Variants in DYNLT5 observed in about 807,000 individuals in gnomAD.
The protein encoded by DYNLT5 is dynein light chain Tctex-type 5.
In DYNLT5, 25 loss-of-function variants were observed where a neutral mutation model predicts 19.3. That is an observed-to-expected ratio of 1.30 (90% confidence interval 0.95 to 1.81). The LOEUF (loss-of-function observed/expected upper bound fraction) is 1.81, where lower values mean the gene tolerates loss of function less well. Ranked by LOEUF, DYNLT5 falls within the 40% of genes most tolerant of loss-of-function variation. The pLI, the probability that DYNLT5 is intolerant of heterozygous loss-of-function variation, is 0.00. For missense variants in DYNLT5, 232 were observed against 217.9 expected (o/e 1.06, Z -0.41); for synonymous variants, 82 against 68.9 (o/e 1.19, Z -0.94).
In DYNLT5 at chr1:66,776,407, C is replaced by T. The variant is rs866372034; in HGVS notation, c.336+4C>T. ...GATGACTAAAACCATTTCTGAGGTACGTGTGTGATTTGCCCAAAGTGTTAA... is the reference window on the plus strand; with the variant it reads ...GATGACTAAAACCATTTCTGAGGTATGTGTGTGATTTGCCCAAAGTGTTAA... On this transcript the variant is annotated splice_donor_region_variant and intron_variant, in intron 4 of 4. Coordinates refer to ENST00000282670, the MANE Select transcript of DYNLT5 (RefSeq NM_152665.3). 1.0e-5 allele frequency: 16 copies of T among 1,593,798 alleles called. No homozygotes were observed. Among genetic ancestry groups the T allele is most frequent in the Middle Eastern group, 3.3e-4 (2 of 6,004 alleles).
intron 3 of DYNLT5, chr1:66,775,049 A>G (rs1645226553): frequency 6.6e-6 from 1 of 152,248 alleles, no homozygotes; most frequent in Non-Finnish European, 1.5e-5. Context: ...GGCCCTGGGC[A>G]CATGTTCATG....
At position 66,777,782 on chromosome 1, in the gene DYNLT5, T is replaced by C. The variant is rs1645245709; in HGVS notation, c.*328T>C. On this transcript the variant is annotated 3_prime_UTR_variant, in exon 5 of 5. Transcript: ENST00000282670. ...AGTGTTACAATTTCCTGCATTGTTT[T>C]TTAATAAAAAGAAGCTTTAGAAAAA... is the stretch of plus-strand genomic sequence containing the variant. 1 of 188,656 alleles carries C rather than the reference T, an allele frequency of 5.3e-6. No individual in the cohort carries two copies. The highest frequency in any genetic ancestry group is 5.4e-5 in the Admixed American group (1 of 18,596). The allele number at this position is 188,656 out of a possible 1,614,324, so 11.7% of individuals were successfully genotyped here.
intron 2 of DYNLT5, among the ~76,000 whole-genome samples, chr1:66,757,412 T>C (rs1484382659): frequency 6.6e-6 from 1 of 152,226 alleles, no homozygotes; most frequent in East Asian, 1.9e-4. Context: ...TAAGTTATCT[T>C]TTCAATTTAA....
chr1:66,767,276 A>T (rs181578941), intron 2 of DYNLT5, among the ~76,000 whole-genome samples: 10 of 152,030 alleles, frequency 6.6e-5, no homozygotes, highest in African/African-American at 2.4e-4. Flanking sequence ...GTTTTTTGAG[A>T]CAGAGTCTTG....
At chr1:66,774,797 A>G (rs960241466) in intron 3 of DYNLT5, among the ~76,000 whole-genome samples, 2 of 152,034 alleles carry the variant, frequency 1.3e-5, no homozygotes, top group African/African-American at 4.8e-5. Context: ...CCTTACTTTC[A>G]CTGGCTGAGG....
chr1:66,760,700 C>A (rs773541361), intron 2 of DYNLT5, among the ~76,000 whole-genome samples: 3 of 152,198 alleles, frequency 2.0e-5, no homozygotes, highest in South Asian at 2.1e-4. Flanking sequence ...TAGAGGTATT[C>A]ATGGCACCTG....
At chr1:66,760,436 C>T (rs142944839) in intron 2 of DYNLT5, among the ~76,000 whole-genome samples, 163 of 152,244 alleles carry the variant, frequency 1.1e-3, no homozygotes, top group African/African-American at 3.2e-3. Context: ...CTTTTGCTCA[C>T]GAACAAGTTA....
intron 2 of DYNLT5, 42 bp downstream of exon 2, chr1:66,754,819 A>T: frequency 2.5e-6 from 4 of 1,583,054 alleles, no homozygotes; most frequent in Non-Finnish European, 3.4e-6. Flanking sequence ...TATTGAATAA[A>T]TAGGTTCGTA....
chr1:66,763,719 C>A (rs1315436254), intron 2 of DYNLT5, among the ~76,000 whole-genome samples: 5 of 152,198 alleles, frequency 3.3e-5, no homozygotes. Flanking sequence ...TCTTAGCCTT[C>A]ATGGAAGTGA....
intron 2 of DYNLT5, among the ~76,000 whole-genome samples, chr1:66,767,075 C>A (rs2150864714): frequency 6.6e-6 from 1 of 152,018 alleles, no homozygotes; most frequent in East Asian, 1.9e-4. Context: ...ATCTGTACAA[C>A]AAACTCCCGT....
In DYNLT5 at chr1:66,778,144, T is replaced by C. The variant is rs770136716; in HGVS notation, c.*690T>C. 1 of 152,648 alleles carries C rather than the reference T, an allele frequency of 6.6e-6. No homozygotes were observed. Among genetic ancestry groups the C allele is most frequent in the Middle Eastern group, 3.2e-3 (1 of 316 alleles). The allele number at this position is 152,648 out of a possible 1,614,324, so 9.5% of individuals were successfully genotyped here. A position where few individuals can be genotyped will look rare whatever the true frequency, so the allele number is the denominator to read the frequency against. ...GGAAACTATAAAGTGAATAAAGGCT[T>C]TTTGGGACACTGAAGTAGACATTGT... On this transcript the variant is annotated 3_prime_UTR_variant, in exon 5 of 5. Transcript: ENST00000282670.
intron 2 of DYNLT5, among the ~76,000 whole-genome samples, chr1:66,755,001 A>G (rs1260689787): frequency 6.6e-6 from 1 of 152,168 alleles, no homozygotes; most frequent in African/African-American, 2.4e-5. Flanking sequence ...AAATCATCCC[A>G]AAAAACCCTC....
intron 2 of DYNLT5, among the ~76,000 whole-genome samples, chr1:66,760,891 A>C (rs1023518362): frequency 6.6e-6 from 1 of 152,170 alleles, no homozygotes; most frequent in Non-Finnish European, 1.5e-5. Flanking sequence ...CACATACTTA[A>C]AATTGTTGTA....
chr1:66,764,265 C>A (rs909630346), intron 2 of DYNLT5, among the ~76,000 whole-genome samples: 1 of 152,208 alleles, frequency 6.6e-6, no homozygotes, highest in African/African-American at 2.4e-5. Context: ...CCCAAAAGGC[C>A]TAGCTTTCAG....
chr1:66,769,716 C>A (rs529189120), intron 2 of DYNLT5, among the ~76,000 whole-genome samples: 74 of 152,208 alleles, frequency 4.9e-4, no homozygotes, highest in African/African-American at 1.8e-3. Flanking sequence ...GACAGTGGGG[C>A]CTCCTCTTTG....
chr1:66,757,530 A>T (rs796860936), intron 2 of DYNLT5, among the ~76,000 whole-genome samples: 22 of 152,286 alleles, frequency 1.4e-4, no homozygotes, highest in African/African-American at 4.8e-4. Flanking sequence ...GGACATACAT[A>T]TATCAGACCC....
In DYNLT5 at chr1:66,768,629, T is replaced by C. The variant is rs1042068258; in HGVS notation, c.120-1758T>C. ...AAGACAGTTTATAAAAATCCTTATT[T>C]GCTTTTTTGTCTTGGAATTTTCACT... is the stretch of plus-strand genomic sequence containing the variant. On this transcript the variant is annotated intron_variant, in intron 2 of 4. Transcript: ENST00000282670. 3 of 152,230 alleles carry C rather than the reference T, an allele frequency of 2.0e-5. No homozygotes were observed. The South Asian group carries it at 6.2e-4, about 32-fold the overall frequency. The allele number at this position is 152,230 out of a possible 1,614,324, so 9.4% of individuals were successfully genotyped here. A position where few individuals can be genotyped will look rare whatever the true frequency, so the allele number is the denominator to read the frequency against.
At chr1:66,765,499 A>G (rs193266845) in intron 2 of DYNLT5, among the ~76,000 whole-genome samples, 1 of 152,318 alleles carries the variant, frequency 6.6e-6, no homozygotes, top group East Asian at 1.9e-4. Flanking sequence ...TACCATCTCT[A>G]ACTGTCATAA....
At chr1:66,759,241 G>A (rs1234555276) in intron 2 of DYNLT5, among the ~76,000 whole-genome samples, 2 of 152,124 alleles carry the variant, frequency 1.3e-5, no homozygotes, top group African/African-American at 4.8e-5. Context: ...AATGAAGCTG[G>A]CCTCCTACCT....
Sources: gnomAD v4.1 joint callset for allele counts (sites outside exome capture counted in the v4.1 genomes callset) on GRCh38, gnomAD v4.1.1 for gene constraint, MANE v1.5 for transcripts, NCBI Gene and HGNC (gene_info 2026-07-23, HGNC 2026-07-21) for gene names.